The following SLC22A3 variants were observed in gnomAD, a reference collection of about 807,000 sequenced individuals.
SLC22A3 encodes solute carrier family 22 member 3.
A neutral mutation model predicts 59.1 loss-of-function variants in SLC22A3; 51 were observed. That is an observed-to-expected ratio of 0.86 (90% CI 0.69 to 1.09). The LOEUF (loss-of-function observed/expected upper bound fraction) is 1.09. SLC22A3 is among the 50% of genes least tolerant of loss of function. SLC22A3 has a pLI of 0.00. For missense variants in SLC22A3, 711 were observed against 726.3 expected (o/e 0.98, Z 0.24); for synonymous variants, 325 against 292.0 (o/e 1.11, Z -1.15).
At position 160,429,064 on chromosome 6, in the gene SLC22A3, G is replaced by A. The variant is rs1235808979; in HGVS notation, c.976-7716G>A. Among the ~76,000 whole-genome samples, 6 of 152,134 alleles carry A rather than the reference G, an allele frequency of 3.9e-5. No homozygotes were observed. In the South Asian group the frequency reaches 8.3e-4, roughly 21 times the overall value. Reference sequence around the variant, plus strand: ...CATGAGCACCTCAGCTGTCACTGCCGAGCTTCCTCCCAGCCCCACCAGGCC... The same window carrying A: ...CATGAGCACCTCAGCTGTCACTGCCAAGCTTCCTCCCAGCCCCACCAGGCC... On this transcript the variant is annotated intron_variant, in intron 5 of 10. Transcript: ENST00000275300.
chr6:160,420,841 G>A (rs1226490600), intron 5 of SLC22A3, among the ~76,000 whole-genome samples: 2 of 152,334 alleles, frequency 1.3e-5, no homozygotes, highest in East Asian at 3.9e-4. Flanking sequence ...GAAGACACGG[G>A]ATTCCCGCCT....
intron 1 of SLC22A3, among the ~76,000 whole-genome samples, chr6:160,378,362 C>T (rs962118405): frequency 1.7e-4 from 26 of 152,144 alleles, no homozygotes; most frequent in Admixed American, 1.2e-3. Context: ...GGTCAGCTGT[C>T]TATGTCATAA....
chr6:160,348,675 C>G lies in SLC22A3; in HGVS notation c.256C>G (p.Arg86Gly), dbSNP rs2114923115. The G allele has an allele frequency of 6.6e-7, 1 of 1,506,562 alleles. No individual in the cohort carries two copies. The highest frequency in any genetic ancestry group is 1.2e-5 in the South Asian group (1 of 80,892). 93.3% of individuals were successfully genotyped at this position (1,506,562 alleles called of 1,614,324 possible). The change falls in exon 1 of 11, where the codon CGC becomes GGC. Residue 86 changes from arginine (R) to glycine (G), a missense_variant. Arg to Gly is a moderately radical substitution (Grantham distance 125). Coordinates refer to ENST00000275300, the MANE Select transcript of SLC22A3 (RefSeq NM_021977.4). Reference sequence around the variant, plus strand: ...CTCCCGCGGCCCAGAGCCCCCCGAGCGCCGCGGCCGCTGCCAGCGCTACCT... The same window carrying G: ...CTCCCGCGGCCCAGAGCCCCCCGAGGGCCGCGGCCGCTGCCAGCGCTACCT... Reference protein sequence around the residue: ...PASRGPEPPERRGRCQRYLLE... With the variant: ...PASRGPEPPEGRGRCQRYLLE...
chr6:160,443,244 G>A (rs1788615704), intron 8 of SLC22A3, among the ~76,000 whole-genome samples: 1 of 152,218 alleles, frequency 6.6e-6, no homozygotes, highest in Non-Finnish European at 1.5e-5. Flanking sequence ...TTGCAGTGGT[G>A]AGCAGCTGGT....
At chr6:160,407,238 C>A in intron 3 of SLC22A3, 43 bp downstream of exon 3, 1 of 1,546,646 alleles carries the variant, frequency 6.5e-7, no homozygotes, top group South Asian at 1.3e-5. Context: ...GAAACTAGGG[C>A]CAGATAGCCA....
chr6:160,374,255 G>A (rs571260887), intron 1 of SLC22A3, among the ~76,000 whole-genome samples: 1 of 152,324 alleles, frequency 6.6e-6, no homozygotes, highest in Admixed American at 6.5e-5. Flanking sequence ...TCTTGGCTAG[G>A]GGAGGGAGTT....
At chr6:160,373,073 G>T (rs150452365) in intron 1 of SLC22A3, among the ~76,000 whole-genome samples, 1 of 152,274 alleles carries the variant, frequency 6.6e-6, no homozygotes, top group South Asian at 2.1e-4. Context: ...ATCCCTTGGC[G>T]AGAAGCAGTG....
intron 10 of SLC22A3, among the ~76,000 whole-genome samples, chr6:160,450,348 A>G (rs1411944714): frequency 6.6e-6 from 1 of 152,204 alleles, no homozygotes; most frequent in African/African-American, 2.4e-5. Flanking sequence ...TCTCTGCAAG[A>G]AGAAAAATAT....
intron 1 of SLC22A3, among the ~76,000 whole-genome samples, 175 bp from the exon 2 acceptor site, chr6:160,397,804 A>G (rs576850809): frequency 6.6e-6 from 1 of 152,262 alleles, no homozygotes; most frequent in African/African-American, 2.4e-5. Context: ...GCAGTTATTT[A>G]AACAAAGGAT....
rs142098210 is a variant in SLC22A3 at position 160,415,908 on chromosome 6, C to G, written c.975+5062C>G. 1.2e-4 allele frequency among the ~76,000 whole-genome samples: 19 copies of G among 152,246 alleles called. No individual in the cohort carries two copies. The East Asian group carries it at 3.7e-3, about 29-fold the overall frequency. On this transcript the variant is annotated intron_variant, in intron 5 of 10. Transcript: ENST00000275300. The surrounding 1 kb of genome is among the most constrained non-coding windows in gnomAD (Gnocchi z 4.1). ...AAGGATGTTCCATATTACAGATAAG[C>G]TAAATTAACTACAAACTAAGATTAC...
intron 2 of SLC22A3, among the ~76,000 whole-genome samples, chr6:160,399,012 A>G (rs1287826692): frequency 6.6e-6 from 1 of 152,252 alleles, no homozygotes; most frequent in East Asian, 1.9e-4. Flanking sequence ...TAATTAGCTA[A>G]TAGAACAACA....
chr6:160,421,731 G>A (rs1015785598), intron 5 of SLC22A3, among the ~76,000 whole-genome samples: 1 of 152,084 alleles, frequency 6.6e-6, no homozygotes, highest in African/African-American at 2.4e-5. Context: ...TTAGTTATGT[G>A]TCCCTCTCTA....
intron 5 of SLC22A3, among the ~76,000 whole-genome samples, chr6:160,429,250 A>AC (rs1207491779): frequency 6.6e-6 from 1 of 152,208 alleles, no homozygotes; most frequent in Non-Finnish European, 1.5e-5. Flanking sequence ...CCTTTAGGGA[A>AC]CTAGTGATGA....
chr6:160,355,571 C>T (rs1008052489), intron 1 of SLC22A3, among the ~76,000 whole-genome samples: 2 of 150,902 alleles, frequency 1.3e-5, no homozygotes, highest in African/African-American at 2.4e-5. Context: ...ACCATCCTGG[C>T]TAACACGGTG....
chr6:160,424,157 T>A (rs538291352), intron 5 of SLC22A3, among the ~76,000 whole-genome samples: 3 of 152,278 alleles, frequency 2.0e-5, no homozygotes, highest in Admixed American at 1.3e-4. Context: ...GACAAAAGAA[T>A]CTGTCCCAGT....
At chr6:160,429,732 T>G (rs1788083906) in intron 5 of SLC22A3, among the ~76,000 whole-genome samples, 1 of 152,150 alleles carries the variant, frequency 6.6e-6, no homozygotes, top group South Asian at 2.1e-4. Context: ...TATTTGCCAG[T>G]GTGCACATTC....
intron 1 of SLC22A3, among the ~76,000 whole-genome samples, chr6:160,359,105 T>A (rs1784935766): frequency 6.6e-6 from 1 of 152,202 alleles, no homozygotes; most frequent in Admixed American, 6.5e-5. Flanking sequence ...TTACCTTATG[T>A]TGTTTGTGGG....
At chr6:160,449,978 A>G (rs1429245252) in intron 10 of SLC22A3, among the ~76,000 whole-genome samples, 1 of 152,232 alleles carries the variant, frequency 6.6e-6, no homozygotes, top group Non-Finnish European at 1.5e-5. Context: ...GGGCAAAAAC[A>G]AACATCACAA....
In SLC22A3 at chr6:160,386,708, G is replaced by A. The variant is rs191453598; in HGVS notation, c.430-11271G>A. ...CAGCACAGACATCTTCCAAGGGCTG[G>A]CAGAGCCAGGGCACCTGCTCTCCAA... On this transcript the variant is annotated intron_variant, in intron 1 of 10. Coordinates refer to ENST00000275300, the MANE Select transcript of SLC22A3 (RefSeq NM_021977.4). Among the ~76,000 whole-genome samples, 5 of 152,360 alleles carry A rather than the reference G, an allele frequency of 3.3e-5. No individual in the cohort carries two copies. The East Asian group carries it at 9.7e-4, about 29-fold the overall frequency.
Sources: allele counts gnomAD v4.1 joint callset (sites outside exome capture counted in the v4.1 genomes callset), GRCh38; gene constraint gnomAD v4.1.1; non-coding constraint Gnocchi (gnomAD v3.1); transcripts MANE v1.5; gene names NCBI Gene and HGNC (gene_info 2026-07-23, HGNC 2026-07-21).